Variants in EFNA5 observed in about 807,000 individuals in gnomAD.
EFNA5 encodes ephrin A5.
Under a neutral mutation model 22.9 loss-of-function variants are expected in EFNA5, and 5 were observed. That is an observed-to-expected ratio of 0.22 (90% CI 0.11 to 0.46). EFNA5 has a LOEUF of 0.46. Ranked by LOEUF, EFNA5 falls within the 20% of genes least tolerant of loss-of-function variation. The pLI, the probability that EFNA5 is intolerant of heterozygous loss-of-function variation, is 0.99. For synonymous variants in EFNA5, 113 were observed against 112.2 expected (o/e 1.01, Z -0.04); for missense variants, 237 against 293.3 (o/e 0.81, Z 1.40).
intron 1 of EFNA5, among the ~76,000 whole-genome samples, chr5:107,525,369 T>C (rs116428206): frequency 1.7e-3 from 260 of 152,300 alleles, no homozygotes; most frequent in African/African-American, 6.0e-3. Flanking sequence ...CCCTAATTCA[T>C]ATGTTAATGT....
chr5:107,428,809 T>A (rs1748872943), intron 1 of EFNA5, among the ~76,000 whole-genome samples: 1 of 152,244 alleles, frequency 6.6e-6, no homozygotes, highest in South Asian at 2.1e-4. Flanking sequence ...TTTCTTCTTA[T>A]ATTCAGCATA....
In EFNA5 at chr5:107,640,976, GTAGATAGATAGA is replaced by G. The variant is rs55898305; in HGVS notation, c.125+29501_125+29512del. Among the ~76,000 whole-genome samples the G allele has an allele frequency of 6.1e-3, 885 of 145,548 alleles. 11 individuals carry two copies. Among genetic ancestry groups the G allele is most frequent in the African/African-American group, 0.02 (776 of 39,330 alleles). On this transcript the variant is annotated intron_variant, in intron 1 of 4. Transcript: ENST00000333274. Reference sequence around the variant, plus strand: ...ACCTGGTAGGTAGGTAGGTAGGCAGGTAGATAGATAGATAGATAGATAGATAGATAGATAGAT... The same window carrying G: ...ACCTGGTAGGTAGGTAGGTAGGCAGGTAGATAGATAGATAGATAGATAGAT...
chr5:107,629,746 G>A (rs1750209023), intron 1 of EFNA5, among the ~76,000 whole-genome samples: 1 of 152,166 alleles, frequency 6.6e-6, no homozygotes, highest in African/African-American at 2.4e-5. Context: ...ACACAAATCT[G>A]TAAACTTTCT....
chr5:107,651,670 CA>C (rs5870275), intron 1 of EFNA5, among the ~76,000 whole-genome samples: 156 of 136,882 alleles, frequency 1.1e-3, no homozygotes, highest in Non-Finnish European at 1.2e-3. Context: ...GGTTTTTTGG[CA>C]AAAAAAAAAA....
intron 1 of EFNA5, among the ~76,000 whole-genome samples, chr5:107,550,467 C>T (rs17160159): frequency 0.13 from 19,793 of 152,106 alleles, 1,345 homozygotes; most frequent in South Asian, 0.15. Flanking sequence ...CCACCTACAT[C>T]ACAGGCAAAT....
intron 1 of EFNA5, among the ~76,000 whole-genome samples, chr5:107,619,261 A>G (rs1369054554): frequency 6.6e-6 from 1 of 151,998 alleles, no homozygotes; most frequent in African/African-American, 2.4e-5. Context: ...CTCATGAGTG[A>G]AGTAACCAAC....
intron 1 of EFNA5, among the ~76,000 whole-genome samples, chr5:107,544,273 CA>C (rs1262428422): frequency 2.0e-5 from 3 of 152,126 alleles, no homozygotes; most frequent in Admixed American, 2.0e-4. Context: ...ATTTGCTGAA[CA>C]AAACAGTAAA....
intron 1 of EFNA5, among the ~76,000 whole-genome samples, chr5:107,467,497 A>C (rs73777867): frequency 0.048 from 7,313 of 152,266 alleles, 588 homozygotes; most frequent in African/African-American, 0.17. Context: ...GAAAAAGGCT[A>C]TAAAGTTTCC....
intron 1 of EFNA5, among the ~76,000 whole-genome samples, chr5:107,508,902 C>A (rs1031222829): frequency 3.3e-5 from 5 of 152,138 alleles, no homozygotes; most frequent in African/African-American, 1.2e-4. Flanking sequence ...TTTAATCATT[C>A]ACTTATTTAC....
intron 1 of EFNA5, among the ~76,000 whole-genome samples, chr5:107,580,737 A>T: frequency 6.9e-6 from 1 of 144,224 alleles, no homozygotes; most frequent in Admixed American, 6.8e-5. Flanking sequence ...AAAAAAAAAA[A>T]AAAGAAAAGA....
At chr5:107,568,901 A>T (rs1748717007) in intron 1 of EFNA5, among the ~76,000 whole-genome samples, 1 of 152,328 alleles carries the variant, frequency 6.6e-6, no homozygotes, top group South Asian at 2.1e-4. Context: ...GAAATGGTGT[A>T]TCTATAATAG....
intron 1 of EFNA5, among the ~76,000 whole-genome samples, chr5:107,485,625 G>T (rs898530472): frequency 2.0e-5 from 3 of 152,194 alleles, no homozygotes; most frequent in Non-Finnish European, 4.4e-5. Context: ...AAAAGTTAGA[G>T]ATACTCACTT....
chr5:107,406,316 A>G (rs1208322992), intron 2 of EFNA5, among the ~76,000 whole-genome samples: 1 of 151,912 alleles, frequency 6.6e-6, no homozygotes, highest in Non-Finnish European at 1.5e-5. Context: ...CACCAACTTA[A>G]TACACATTCT....
chr5:107,379,895 T>C lies in EFNA5; in HGVS notation c.*1360A>G, dbSNP rs1747388292. The C allele has an allele frequency of 6.6e-6, 1 of 152,218 alleles. No homozygotes were observed. Among genetic ancestry groups the C allele is most frequent in the Non-Finnish European group, 1.5e-5 (1 of 68,038 alleles). 9.4% of individuals were successfully genotyped at this position (152,218 alleles called of 1,614,324 possible). On this transcript the variant is annotated 3_prime_UTR_variant, in exon 5 of 5. Transcript: ENST00000333274. ...TATATCTAAATAATGTATTTTCTAT[T>C]CTAGTGGATTTTTAAAAAAATATTT...
intron 1 of EFNA5, among the ~76,000 whole-genome samples, chr5:107,604,897 C>G (rs1445653630): frequency 6.6e-6 from 1 of 152,164 alleles, no homozygotes; most frequent in African/African-American, 2.4e-5. Context: ...CATAGGTCCA[C>G]TGGCACCTAA....
intron 1 of EFNA5, among the ~76,000 whole-genome samples, chr5:107,470,203 G>A (rs1403996647): frequency 6.6e-6 from 1 of 152,136 alleles, no homozygotes; most frequent in Non-Finnish European, 1.5e-5. Context: ...CTTGCCATCT[G>A]CTTTTAGTCC....
intron 1 of EFNA5, among the ~76,000 whole-genome samples, chr5:107,662,308 A>T (rs777379433): frequency 3.9e-5 from 6 of 152,188 alleles, no homozygotes; most frequent in Non-Finnish European, 7.4e-5. Flanking sequence ...GAACTGAAGC[A>T]GTTTTTCATA....
intron 1 of EFNA5, among the ~76,000 whole-genome samples, chr5:107,595,058 A>C (rs1381580550): frequency 6.6e-6 from 1 of 152,228 alleles, no homozygotes; most frequent in Admixed American, 6.5e-5. Context: ...ATATAGAAGA[A>C]GGAGGAAGTG....
chr5:107,640,980 A>G (rs10545415), intron 1 of EFNA5, among the ~76,000 whole-genome samples: 17,033 of 105,564 alleles, frequency 0.16, 1,099 homozygotes, highest in Middle Eastern at 0.2. Flanking sequence ...AGGCAGGTAG[A>G]TAGATAGATA....
Sources: allele counts gnomAD v4.1 joint callset (sites outside exome capture counted in the v4.1 genomes callset), GRCh38; gene constraint gnomAD v4.1.1; transcripts MANE v1.5; gene names NCBI Gene and HGNC (gene_info 2026-07-23, HGNC 2026-07-21).